The following RBL1 variants were observed in gnomAD, a reference collection of about 807,000 sequenced individuals.
RBL1 encodes retinoblastoma-like protein 1.
In RBL1, 82 loss-of-function variants were observed where a neutral mutation model predicts 123.0. The observed-to-expected ratio is 0.67, with a 90% CI of 0.56 to 0.80. The LOEUF (loss-of-function observed/expected upper bound fraction) is 0.80. Ranked by LOEUF, RBL1 falls within the 30% of genes least tolerant of loss-of-function variation. The pLI is 0.00. For missense variants in RBL1, 1,171 were observed against 1,299.6 expected, an observed-to-expected ratio of 0.90 and a Z score of 1.52; for synonymous variants, 405 against 441.3, an observed-to-expected ratio of 0.92 and a Z score of 1.03.
chr20:37,068,046 A>T lies in RBL1; in HGVS notation c.431T>A (p.Leu144Ter), dbSNP rs776046180. 2 of 1,613,742 alleles carry T rather than the reference A, an allele frequency of 1.2e-6. No homozygotes were observed. Among genetic ancestry groups the T allele is most frequent in the South Asian group, 1.1e-5 (1 of 91,022 alleles). Reference sequence around the variant, plus strand: ...TTCATATGGATTTTGAAATATATCTAAAAAAATTGGCTCATATTTTTTGAA... The same window carrying T: ...TTCATATGGATTTTGAAATATATCTTAAAAAATTGGCTCATATTTTTTGAA... Reference protein sequence around the residue: ...VIFKKYEPIFLDIFQNPYEEP... With the variant: ...VIFKKYEPIF Residue 144 changes from leucine (L) to a stop codon, truncating the protein, a stop_gained, in exon 3 of 22, where the codon TTA becomes TAA. Coordinates refer to ENST00000373664, the MANE Select transcript of RBL1 (RefSeq NM_002895.5). LOFTEE classifies it high-confidence loss of function.
chr20:37,051,398 C>T (rs1464007001), intron 11 of RBL1, among the ~76,000 whole-genome samples: 1 of 152,140 alleles, frequency 6.6e-6, no homozygotes, highest in East Asian at 1.9e-4. Flanking sequence ...TCAGGCTGGT[C>T]TAGAACTCCT....
At chr20:36,999,803 G>A (rs2063936738) in intron 21 of RBL1, among the ~76,000 whole-genome samples, 2 of 152,224 alleles carry the variant, frequency 1.3e-5, no homozygotes, top group South Asian at 4.1e-4. Context: ...GCTCAATGGT[G>A]CCCAGGCTGG....
At chr20:36,999,321 G>A (rs1042316114) in intron 21 of RBL1, among the ~76,000 whole-genome samples, 4 of 150,722 alleles carry the variant, frequency 2.7e-5, no homozygotes, top group Non-Finnish European at 5.9e-5. Flanking sequence ...AGCATCACCT[G>A]AGCCTGGGGA....
intron 2 of RBL1, chr20:37,082,133 G>A: frequency 1.0e-5 from 4 of 394,448 alleles, no homozygotes; most frequent in South Asian, 7.3e-5. Flanking sequence ...CAGGGGCCTA[G>A]GGACAAGAAT....
chr20:37,044,310 T>TG, intron 12 of RBL1, 60 bp from the exon 13 acceptor site: 4 of 1,509,684 alleles, frequency 2.6e-6, no homozygotes, highest in Non-Finnish European at 2.7e-6. Context: ...AGTCTGGACT[T>TG]GCATGTAGGA....
At chr20:37,055,925 TA>T (rs2064996600) in intron 10 of RBL1, among the ~76,000 whole-genome samples, 1 of 151,626 alleles carries the variant, frequency 6.6e-6, no homozygotes, top group South Asian at 2.1e-4. Context: ...TGGGTCCCTG[TA>T]ATAGCAGCTA....
intron 12 of RBL1, 60 bp from the exon 13 acceptor site, chr20:37,044,310 T>C: frequency 6.6e-7 from 1 of 1,509,684 alleles, no homozygotes; most frequent in Admixed American, 1.8e-5. Flanking sequence ...AGTCTGGACT[T>C]GCATGTAGGA....
intron 21 of RBL1, among the ~76,000 whole-genome samples, chr20:36,999,648 C>T (rs1466760036): frequency 1.3e-5 from 2 of 152,202 alleles, no homozygotes; most frequent in East Asian, 1.9e-4. Flanking sequence ...CGCGCCGCCA[C>T]GCCTGACTGG....
intron 21 of RBL1, among the ~76,000 whole-genome samples, chr20:37,000,597 G>A (rs1490268404): frequency 4.8e-5 from 7 of 144,332 alleles, no homozygotes. Flanking sequence ...AGGATGTGGG[G>A]GGGTCAGCCC....
At chr20:37,079,412 T>G (rs1187596707) in intron 2 of RBL1, among the ~76,000 whole-genome samples, 1 of 151,946 alleles carries the variant, frequency 6.6e-6, no homozygotes, top group East Asian at 1.9e-4. Flanking sequence ...AGATACTTAG[T>G]TTTTGAGAAC....
chr20:37,037,988 G>GTT (rs57647591), intron 14 of RBL1, among the ~76,000 whole-genome samples: 147 of 83,532 alleles, frequency 1.8e-3, no homozygotes, highest in South Asian at 2.7e-3. Flanking sequence ...CCCGGCCATT[G>GTT]TTTTTTTTTT....
At chr20:37,089,180 T>C in intron 1 of RBL1, 58 bp from the exon 2 acceptor site, 1 of 1,456,968 alleles carries the variant, frequency 6.9e-7, no homozygotes, top group East Asian at 2.5e-5. Flanking sequence ...AATGCTTTAA[T>C]TCTAGAAACA....
intron 6 of RBL1, among the ~76,000 whole-genome samples, 163 bp downstream of exon 6, chr20:37,066,561 A>G (rs1461132203): frequency 2.0e-5 from 3 of 152,216 alleles, no homozygotes; most frequent in Non-Finnish European, 4.4e-5. Context: ...TGTTTCTCAC[A>G]TCACACAAGA....
Position 37,089,466 on chromosome 20 carries a change from C to T in RBL1, c.157-344G>A, listed in dbSNP as rs181410918. ...AGGAGTTTAAGACTAGCCAGGGCAACGTAGACTCTAAAAATGAAAATAAAA... is the reference window on the plus strand; with the variant it reads ...AGGAGTTTAAGACTAGCCAGGGCAATGTAGACTCTAAAAATGAAAATAAAA... On this transcript the variant is annotated intron_variant, in intron 1 of 21. Coordinates refer to ENST00000373664, the MANE Select transcript of RBL1 (RefSeq NM_002895.5). Among the ~76,000 whole-genome samples the T allele has an allele frequency of 2.0e-3, 304 of 151,734 alleles. 1 individual carries two copies. The highest frequency in any genetic ancestry group is 6.9e-3 in the African/African-American group (285 of 41,386).
chr20:37,032,529 A>C, intron 16 of RBL1, 136 bp downstream of exon 16: 1 of 1,349,360 alleles, frequency 7.4e-7, no homozygotes, highest in African/African-American at 1.5e-5. Context: ...ATTGAACTGT[A>C]CACTTAAAAA....
At chr20:37,079,699 C>G (rs929717181) in intron 2 of RBL1, among the ~76,000 whole-genome samples, 14 of 152,082 alleles carry the variant, frequency 9.2e-5, no homozygotes, top group African/African-American at 3.4e-4. Flanking sequence ...CCAGGCTGGT[C>G]CTGAACTCCT....
In RBL1 at chr20:37,008,353, G is replaced by T. The variant is rs561928161; in HGVS notation, c.2723-794C>A. ...ACATTTATTTCTCTGCAAATACATG[G>T]CAGGTGACAGGTGTTCTAAGAGCCT... On this transcript the variant is annotated intron_variant, in intron 19 of 21. Coordinates refer to ENST00000373664, the MANE Select transcript of RBL1 (RefSeq NM_002895.5). Among the ~76,000 whole-genome samples the T allele has an allele frequency of 3.9e-4, 59 of 152,290 alleles. 1 individual carries two copies. In the South Asian group the frequency reaches 8.3e-3, roughly 21 times the overall value.
At chr20:37,034,237 T>G (rs1450872161) in intron 15 of RBL1, among the ~76,000 whole-genome samples, 3 of 152,192 alleles carry the variant, frequency 2.0e-5, no homozygotes, top group Non-Finnish European at 4.4e-5. Flanking sequence ...ATGCCCCGCA[T>G]AAATCCTTAT....
intron 16 of RBL1, among the ~76,000 whole-genome samples, chr20:37,028,021 C>T (rs2064452707): frequency 6.6e-6 from 1 of 152,172 alleles, no homozygotes; most frequent in African/African-American, 2.4e-5. Flanking sequence ...TCTGAAAATA[C>T]TGAGATTACA....
Sources: gnomAD v4.1 joint callset for allele counts (sites outside exome capture counted in the v4.1 genomes callset) on GRCh38, gnomAD v4.1.1 for gene constraint, MANE v1.5 for transcripts, NCBI Gene and HGNC (gene_info 2026-07-23, HGNC 2026-07-21) for gene names.